The following ASIC2 variants were observed in gnomAD, a reference collection of about 807,000 sequenced individuals.
The protein encoded by ASIC2 is acid-sensing ion channel 2.
Under a neutral mutation model 57.3 loss-of-function variants are expected in ASIC2, and 25 were observed. That is an observed-to-expected ratio of 0.44 (90% confidence interval 0.32 to 0.61). The LOEUF is 0.61. ASIC2 is among the 20% of genes least tolerant of loss of function. The pLI is 0.06. For synonymous variants in ASIC2, 319 were observed against 307.5 expected (o/e 1.04, Z -0.39); for missense variants, 641 against 738.1 (o/e 0.87, Z 1.52).
chr17:33,963,153 T>A (rs1437082084), intron 1 of ASIC2, among the ~76,000 whole-genome samples: 1 of 151,848 alleles, frequency 6.6e-6, no homozygotes, highest in East Asian at 1.9e-4. Context: ...ACTGCAGGAG[T>A]CAGGCTTCCA....
At chr17:33,957,503 G>C (rs922617546) in intron 1 of ASIC2, among the ~76,000 whole-genome samples, 6 of 152,164 alleles carry the variant, frequency 3.9e-5, no homozygotes, top group African/African-American at 1.4e-4. Flanking sequence ...AGGCAAAGGA[G>C]TAACAAAGGC....
rs1345154305 is a variant in ASIC2 at position 34,074,766 on chromosome 17, TTTTC to T, written c.555+81208_555+81211del. On this transcript the variant is annotated intron_variant, in intron 1 of 9. Coordinates refer to the ASIC2 transcript ENST00000359872. ...GGCCCAAGTAATCAGAGTGTGGCTT[TTTTC>T]TTTCTTTCTTTCTTTTTTTTTTTTT... 3.2e-3 allele frequency among the ~76,000 whole-genome samples: 476 copies of T among 149,992 alleles called. 5 individuals carry two copies. Among genetic ancestry groups the T allele is most frequent in the East Asian group, 0.015 (78 of 5,060 alleles).
At chr17:33,357,542 C>A (rs62069385) in intron 1 of ASIC2, among the ~76,000 whole-genome samples, 7,640 of 152,190 alleles carry the variant, frequency 0.05, 276 homozygotes, top group Non-Finnish European at 0.069. Context: ...GCTAGACCAC[C>A]TTTCCTGCCT....
At chr17:33,082,102 T>A (rs900551294) in intron 3 of ASIC2, among the ~76,000 whole-genome samples, 7 of 151,398 alleles carry the variant, frequency 4.6e-5, no homozygotes, top group African/African-American at 1.7e-4. Context: ...GTGAAAGAGG[T>A]TCTTGGTGAC....
chr17:33,921,139 G>A (rs1915701031), intron 1 of ASIC2, among the ~76,000 whole-genome samples: 1 of 152,172 alleles, frequency 6.6e-6, no homozygotes, highest in South Asian at 2.1e-4. Flanking sequence ...TCCCCACAGA[G>A]GGTTGAGGAG....
intron 1 of ASIC2, among the ~76,000 whole-genome samples, chr17:33,382,453 C>G (rs1418214869): frequency 6.6e-6 from 1 of 152,256 alleles, no homozygotes; most frequent in African/African-American, 2.4e-5. Flanking sequence ...TTCTTCACAG[C>G]AGGAGGCTGC....
intron 2 of ASIC2, among the ~76,000 whole-genome samples, chr17:33,102,344 C>T (rs1056989471): frequency 6.6e-6 from 1 of 152,204 alleles, no homozygotes; most frequent in African/African-American, 2.4e-5. Flanking sequence ...AGTCCTAGGT[C>T]GTTCTCATTC....
intron 3 of ASIC2, among the ~76,000 whole-genome samples, chr17:33,030,191 A>G (rs1371046912): frequency 2.0e-5 from 3 of 152,194 alleles, no homozygotes; most frequent in Non-Finnish European, 4.4e-5. Flanking sequence ...AATCTTTAGA[A>G]GTGTATACAC....
chr17:33,832,570 G>A (rs1358592558), intron 1 of ASIC2, among the ~76,000 whole-genome samples: 1 of 152,160 alleles, frequency 6.6e-6, no homozygotes, highest in African/African-American at 2.4e-5. Flanking sequence ...TTTACACCCA[G>A]CCCTGGAATC....
Position 33,240,524 on chromosome 17 carries a change from T to C in ASIC2, c.708+50884A>G, listed in dbSNP as rs552885483. Among the ~76,000 whole-genome samples the C allele has an allele frequency of 3.6e-4, 55 of 152,300 alleles. 1 individual carries two copies. In the South Asian group the frequency reaches 5.2e-3, roughly 14 times the overall value. ...ACTGGTCAGAAAGCAAATATTGGCCTCATCTCCAGGGACCCTGCCAGGCAC... is the reference window on the plus strand; with the variant it reads ...ACTGGTCAGAAAGCAAATATTGGCCCCATCTCCAGGGACCCTGCCAGGCAC... On this transcript the variant is annotated intron_variant, in intron 1 of 9. Coordinates refer to ENST00000225823, the MANE Select transcript of ASIC2 (RefSeq NM_183377.2).
chr17:33,968,648 G>T (rs1905139577), intron 1 of ASIC2, among the ~76,000 whole-genome samples: 1 of 152,210 alleles, frequency 6.6e-6, no homozygotes, highest in East Asian at 1.9e-4. Flanking sequence ...GAGTGAAGTT[G>T]GGGGCTTCAG....
At chr17:33,506,305 C>T (rs376315463) in intron 1 of ASIC2, among the ~76,000 whole-genome samples, 13 of 150,140 alleles carry the variant, frequency 8.7e-5, no homozygotes, top group East Asian at 2.0e-4. Flanking sequence ...CCCAGCTACT[C>T]GGGAGGCTGA....
Position 34,156,324 on chromosome 17 carries a change from TAGG to T in ASIC2, c.206_208del (p.Ser69del). 1.2e-6 allele frequency: 2 copies of T among 1,613,996 alleles called. No individual in the cohort carries two copies. Among genetic ancestry groups the T allele is most frequent in the Non-Finnish European group, 1.7e-6 (2 of 1,179,994 alleles). On this transcript the variant is annotated inframe_deletion, in exon 1 of 10. Transcript: ENST00000359872. This position sits in a 1 kb window ranked among gnomAD's most constrained non-coding sequence, Gnocchi z 4.4. ...TTCGTCCACCTTAGTGACATGCTGG[TAGG>T]AGAAGTAGTAGGACACCCTCTCAGA...
intron 1 of ASIC2, among the ~76,000 whole-genome samples, chr17:33,123,063 A>G (rs538796698): frequency 5.9e-5 from 9 of 152,232 alleles, no homozygotes; most frequent in Admixed American, 5.2e-4. Context: ...TAGTACACTC[A>G]TTTCAGAAAA....
chr17:33,923,572 G>A (rs1915755379), intron 1 of ASIC2, among the ~76,000 whole-genome samples: 1 of 152,126 alleles, frequency 6.6e-6, no homozygotes, highest in Non-Finnish European at 1.5e-5. Flanking sequence ...CTTGTGGCTG[G>A]ACCTTACAAT....
intron 1 of ASIC2, among the ~76,000 whole-genome samples, chr17:33,780,301 G>A (rs1911412464): frequency 6.6e-6 from 1 of 152,098 alleles, no homozygotes; most frequent in East Asian, 1.9e-4. Context: ...GCCAGGCTAT[G>A]CTGCCTCCCC....
chr17:33,059,329 C>T (rs1417344670), intron 3 of ASIC2, among the ~76,000 whole-genome samples: 1 of 152,118 alleles, frequency 6.6e-6, no homozygotes, highest in Non-Finnish European at 1.5e-5. Context: ...CCACAACAGG[C>T]CCCAGTGTGT....
At chr17:33,129,442 A>G (rs1322882457) in intron 1 of ASIC2, among the ~76,000 whole-genome samples, 1 of 152,216 alleles carries the variant, frequency 6.6e-6, no homozygotes, top group East Asian at 1.9e-4. Context: ...TATCATTTGG[A>G]AAAAAGAACA....
At chr17:33,618,055 A>C (rs977295) in intron 1 of ASIC2, among the ~76,000 whole-genome samples, 66,480 of 151,808 alleles carry the variant, frequency 0.44, 15,035 homozygotes, top group African/African-American at 0.54. Context: ...TCCTTCTCAG[A>C]CCAATAGTTG....
Sources: gnomAD v4.1 joint callset for allele counts (sites outside exome capture counted in the v4.1 genomes callset) on GRCh38, gnomAD v4.1.1 for gene constraint, Gnocchi (gnomAD v3.1) non-coding constraint, MANE v1.5 for transcripts, NCBI Gene and HGNC (gene_info 2026-07-23, HGNC 2026-07-21) for gene names.